The following UBR3 variants were observed in gnomAD, a reference collection of about 807,000 sequenced individuals.
UBR3 encodes E3 ubiquitin-protein ligase UBR3.
UBR3 carries 85 observed loss-of-function variants against 243.2 expected under a neutral mutation model. That is an observed-to-expected ratio of 0.35 (90% CI 0.29 to 0.42). UBR3 has a LOEUF of 0.42. Among genes scored for constraint, UBR3 ranks in the 10% least tolerant of loss-of-function variants. The pLI, the probability that UBR3 is intolerant of heterozygous loss-of-function variation, is 1.00. For synonymous variants in UBR3, 748 were observed against 799.8 expected (o/e 0.94, Z 1.09); for missense variants, 1,686 against 2,300.8 (o/e 0.73, Z 5.47).
At chr2:169,922,835 T>G (rs948801987) in intron 11 of UBR3, among the ~76,000 whole-genome samples, 1 of 152,204 alleles carries the variant, frequency 6.6e-6, no homozygotes, top group African/African-American at 2.4e-5. Flanking sequence ...TTTTATAGCC[T>G]TTACATATTG....
intron 18 of UBR3, among the ~76,000 whole-genome samples, chr2:169,931,929 G>C (rs1018247787): frequency 6.6e-6 from 1 of 152,052 alleles, no homozygotes; most frequent in Non-Finnish European, 1.5e-5. Flanking sequence ...TGAACCATCA[G>C]TTGTACACAT....
chr2:169,975,145 G>C (rs1350974908), intron 24 of UBR3, among the ~76,000 whole-genome samples: 2 of 152,118 alleles, frequency 1.3e-5, no homozygotes, highest in African/African-American at 4.8e-5. Context: ...ACTCCAGCCT[G>C]GATGACAGAG....
intron 1 of UBR3, among the ~76,000 whole-genome samples, chr2:169,842,198 A>G (rs1318465209): frequency 2.0e-5 from 3 of 151,966 alleles, no homozygotes; most frequent in African/African-American, 2.4e-5. Context: ...GTTTAGCTCA[A>G]GGTTTGTGAG....
rs879837384 is a variant in UBR3 at position 169,925,110 on chromosome 2, G to A, written c.2023-509G>A. ...AATACATGAAGAATTAAATACTGAT[G>A]TAGTGAGAACATTTATTCTAACCTC... is the stretch of plus-strand genomic sequence containing the variant. On this transcript the variant is annotated intron_variant, in intron 13 of 38. Transcript: ENST00000272793. Among the ~76,000 whole-genome samples, 5 of 152,326 alleles carry A rather than the reference G, an allele frequency of 3.3e-5. No individual in the cohort carries two copies. The East Asian group carries it at 9.6e-4, about 29-fold the overall frequency.
intron 5 of UBR3, 97 bp from the exon 6 acceptor site, chr2:169,891,068 C>A: frequency 1.4e-6 from 1 of 730,800 alleles, no homozygotes; most frequent in Non-Finnish European, 2.2e-6. Context: ...TGTAAGCATG[C>A]ATATATTATG....
At chr2:170,069,704 T>G (rs1316376764) in intron 35 of UBR3, among the ~76,000 whole-genome samples, 1 of 148,262 alleles carries the variant, frequency 6.7e-6, no homozygotes, top group East Asian at 1.9e-4. Flanking sequence ...TTTAACATAA[T>G]GTCCTTCAGA....
At position 169,827,926 on chromosome 2, in the gene UBR3, C is replaced by T. The variant is rs1363271716; in HGVS notation, c.419C>T (p.Pro140Leu). Reference sequence around the variant, plus strand: ...CGCTGCCGGACGTGCGGCATCTCGCCCTGCATGTCGCTGTGCGCCGAGTGC... The same window carrying T: ...CGCTGCCGGACGTGCGGCATCTCGCTCTGCATGTCGCTGTGCGCCGAGTGC... The part of the protein sequence containing the change: ...AYRCRTCGIS[P>L]CMSLCAECFH... The change falls in exon 1 of 39, where the codon CCC becomes CTC. Residue 140 changes from proline (P) to leucine (L), a missense_variant. Pro to Leu is a moderately conservative substitution (Grantham distance 98, BLOSUM62 -3). This residue lies in a region of UBR3 where 145 missense variants were observed against 243.8 expected (regional missense o/e 0.59). Transcript: ENST00000272793. 6.7e-7 allele frequency: 1 copy of T among 1,500,884 alleles called. No individual in the cohort carries two copies. Among genetic ancestry groups the T allele is most frequent in the Non-Finnish European group, 8.9e-7 (1 of 1,126,538 alleles). 93.0% of individuals were successfully genotyped at this position (1,500,884 alleles called of 1,614,324 possible).
chr2:169,879,667 TTA>T (rs1363456554), intron 5 of UBR3, among the ~76,000 whole-genome samples: 1 of 152,194 alleles, frequency 6.6e-6, no homozygotes, highest in Non-Finnish European at 1.5e-5. Context: ...CATGAGAATA[TTA>T]TGAGGATTGA....
At chr2:169,989,214 C>T (rs780083475) in intron 25 of UBR3, among the ~76,000 whole-genome samples, 1 of 152,182 alleles carries the variant, frequency 6.6e-6, no homozygotes, top group Non-Finnish European at 1.5e-5. Context: ...AACATAACCA[C>T]AGTCAGTCCT....
intron 33 of UBR3, among the ~76,000 whole-genome samples, chr2:170,059,998 G>A (rs2091425401): frequency 6.6e-6 from 1 of 152,152 alleles, no homozygotes; most frequent in African/African-American, 2.4e-5. Context: ...AAAGAGCACA[G>A]TAACATGAAC....
chr2:169,962,541 T>C (rs1182569579), intron 24 of UBR3, among the ~76,000 whole-genome samples: 1 of 152,230 alleles, frequency 6.6e-6, no homozygotes, highest in Non-Finnish European at 1.5e-5. Context: ...AGCAATACTT[T>C]CCTTCTTACA....
chr2:169,893,001 T>C (rs765457885), intron 6 of UBR3, among the ~76,000 whole-genome samples: 6 of 152,248 alleles, frequency 3.9e-5, no homozygotes, highest in Non-Finnish European at 8.8e-5. Context: ...TTTTACAATT[T>C]GACTTAAGGT....
chr2:169,844,312 C>A (rs1311414292), intron 1 of UBR3, among the ~76,000 whole-genome samples: 1 of 152,042 alleles, frequency 6.6e-6, no homozygotes, highest in Non-Finnish European at 1.5e-5. Flanking sequence ...TATTCGATTT[C>A]TTTAGTGACC....
intron 19 of UBR3, 105 bp downstream of exon 19, chr2:169,933,113 A>T (rs2086200718): frequency 4.1e-6 from 3 of 735,370 alleles, no homozygotes; most frequent in Non-Finnish European, 4.2e-6. Context: ...GTATACTTTC[A>T]TTCTTTAAAG....
chr2:170,015,656 C>A (rs74706598), intron 30 of UBR3, among the ~76,000 whole-genome samples: 1 of 151,716 alleles, frequency 6.6e-6, no homozygotes, highest in African/African-American at 2.4e-5. Context: ...AACTTTAATT[C>A]TCTTAAAGAA....
intron 31 of UBR3, among the ~76,000 whole-genome samples, chr2:170,031,768 G>T (rs528974831): frequency 2.0e-5 from 3 of 152,022 alleles, no homozygotes; most frequent in Non-Finnish European, 4.4e-5. Flanking sequence ...AAGTGAGAAC[G>T]TGCAGTGTTT....
intron 24 of UBR3, among the ~76,000 whole-genome samples, chr2:169,975,492 T>G (rs941342714): frequency 1.3e-5 from 2 of 152,202 alleles, no homozygotes; most frequent in African/African-American, 4.8e-5. Context: ...CAGTTTAAAT[T>G]CAGTGTTTCT....
At chr2:170,040,802 A>G in intron 31 of UBR3, 80 bp from the exon 32 acceptor site, 1 of 1,044,432 alleles carries the variant, frequency 9.6e-7, no homozygotes, top group Non-Finnish European at 1.4e-6. Flanking sequence ...TCTGTTCCAT[A>G]GATATATATG....
chr2:169,955,593 A>G (rs1001636747), intron 23 of UBR3, among the ~76,000 whole-genome samples: 6 of 151,920 alleles, frequency 3.9e-5, no homozygotes, highest in Admixed American at 2.6e-4. Flanking sequence ...CAGGAGTTCG[A>G]GATCAGCCTG....
Sources: allele counts gnomAD v4.1 joint callset (sites outside exome capture counted in the v4.1 genomes callset), GRCh38; gene constraint gnomAD v4.1.1; regional missense constraint gnomAD v4.1.1; transcripts MANE v1.5; gene names NCBI Gene and HGNC (gene_info 2026-07-23, HGNC 2026-07-21).